The following GTF3C5 variants were observed in gnomAD, a reference collection of about 807,000 sequenced individuals.
GTF3C5 encodes general transcription factor 3C polypeptide 5.
In GTF3C5, 47 loss-of-function variants were observed where a neutral mutation model predicts 61.0. The observed-to-expected ratio is 0.77, with a 90% CI of 0.61 to 0.98. The LOEUF is 0.98. GTF3C5 is among the 50% of genes least tolerant of loss of function. The pLI is 0.00. For missense variants in GTF3C5, 659 were observed against 703.3 expected (o/e 0.94, Z 0.71); for synonymous variants, 295 against 275.4 (o/e 1.07, Z -0.71).
chr9:133,051,149 G>A (rs868176250), intron 4 of GTF3C5, among the ~76,000 whole-genome samples, 171 bp downstream of exon 4: 3 of 152,184 alleles, frequency 2.0e-5, no homozygotes, highest in African/African-American at 4.8e-5. Flanking sequence ...AGGCTGTGTC[G>A]GTATAAGTTC....
At chr9:133,048,779 C>T (rs923488251) in intron 3 of GTF3C5, among the ~76,000 whole-genome samples, 1 of 152,252 alleles carries the variant, frequency 6.6e-6, no homozygotes, top group Non-Finnish European at 1.5e-5. Context: ...TTTCCAGCCC[C>T]TGGGGTAAAA....
In GTF3C5 at chr9:133,050,945, C is replaced by G; in HGVS notation, c.735C>G (p.Pro245=). Residue 245 remains proline (P), a synonymous_variant, in exon 4 of 11, where the codon CCC becomes CCG. Transcript: ENST00000372097. ...CGTGGAGGAGAGTCTGCACTAACCC[C>G]GTGGACCGGAAGGTGGAGGAGGAGC... The part of the protein sequence containing the change: ...AQTWRRVCTN[P]VDRKVEEELR... 6.2e-7 allele frequency: 1 copy of G among 1,612,038 alleles called. No individual in the cohort carries two copies. Among genetic ancestry groups the G allele is most frequent in the Non-Finnish European group, 8.5e-7 (1 of 1,179,158 alleles).
At chr9:133,037,519 TGGTGGGGG>T (rs1485200465) in intron 1 of GTF3C5, among the ~76,000 whole-genome samples, 2 of 151,700 alleles carry the variant, frequency 1.3e-5, no homozygotes, top group African/African-American at 4.8e-5. Context: ...TTTATATGTA[TGGTGGGGG>T]GGTGGGACTT....
intron 4 of GTF3C5, 136 bp from the exon 5 acceptor site, chr9:133,051,924 C>A: frequency 1.9e-6 from 1 of 536,044 alleles, no homozygotes; most frequent in Non-Finnish European, 3.3e-6. Context: ...TAGGGCCACG[C>A]CCTGTGTGTC....
chr9:133,043,998 C>A, intron 3 of GTF3C5, 72 bp downstream of exon 3: 1 of 1,122,250 alleles, frequency 8.9e-7, no homozygotes. Context: ...GAGGCTCACA[C>A]ACTGGGCGTG....
Position 133,058,043 on chromosome 9 carries a change from GGGGCTCCCCATT to G in GTF3C5, c.*65_*76del. 1 of 1,594,704 alleles carries G rather than the reference GGGGCTCCCCATT, an allele frequency of 6.3e-7. No individual in the cohort carries two copies. The highest frequency in any genetic ancestry group is 8.5e-7 in the Non-Finnish European group (1 of 1,170,960). On this transcript the variant is annotated 3_prime_UTR_variant, in exon 11 of 11. Transcript: ENST00000372097. ...TGGTGTCTGGCCTAATGAGGGAGCC[GGGGCTCCCCATT>G]GCCACCCACAGTGCCCGGAATGGCC...
intron 1 of GTF3C5, among the ~76,000 whole-genome samples, chr9:133,038,305 C>G (rs144818924): frequency 2.0e-5 from 3 of 152,010 alleles, no homozygotes; most frequent in Non-Finnish European, 4.4e-5. Flanking sequence ...AGAGTCTACC[C>G]GGGCGTGTGG....
chr9:133,035,994 T>A (rs920493992), intron 1 of GTF3C5, among the ~76,000 whole-genome samples: 3 of 152,326 alleles, frequency 2.0e-5, no homozygotes, highest in African/African-American at 7.2e-5. Context: ...TAAGGCTTGA[T>A]TCATTGCAAA....
chr9:133,053,849 C>T lies in GTF3C5; in HGVS notation c.895C>T (p.Leu299=), dbSNP rs1186670799. 2 of 1,611,390 alleles carry T rather than the reference C, an allele frequency of 1.2e-6. No homozygotes were observed. The highest frequency in any genetic ancestry group is 3.4e-5 in the Admixed American group (2 of 59,598). Reference sequence around the variant, plus strand: ...CCAGATAACAGGCCCCTGGCGCAGCCTATGGATTCGATTTGGGTATGACCC... The same window carrying T: ...CCAGATAACAGGCCCCTGGCGCAGCTTATGGATTCGATTTGGGTATGACCC... ...YYMITGPWRS[L]WIRFGYDPRK... is the part of the protein sequence containing the mutation. The change falls in exon 6 of 11, where the codon CTA becomes TTA. Residue 299 remains leucine, a synonymous_variant. Transcript: ENST00000372097.
intron 5 of GTF3C5, among the ~76,000 whole-genome samples, chr9:133,052,794 C>T (rs370775564): frequency 3.0e-4 from 46 of 152,198 alleles, no homozygotes; most frequent in African/African-American, 9.6e-4. Flanking sequence ...CTCAGGAGAG[C>T]GACCTGTGCT....
At position 133,050,933 on chromosome 9, in the gene GTF3C5, C is replaced by G; in HGVS notation, c.723C>G (p.Val241=). The G allele has an allele frequency of 6.2e-7, 1 of 1,613,624 alleles. No homozygotes were observed. Among genetic ancestry groups the G allele is most frequent in the Non-Finnish European group, 8.5e-7 (1 of 1,179,824 alleles). ...LEAAAQTWRR[V]CTNPVDRKVE... Reference sequence around the variant, plus strand: ...CTGCAGCCCAGACGTGGAGGAGAGTCTGCACTAACCCCGTGGACCGGAAGG... The same window carrying G: ...CTGCAGCCCAGACGTGGAGGAGAGTGTGCACTAACCCCGTGGACCGGAAGG... The change falls in exon 4 of 11, where the codon GTC becomes GTG. Residue 241 remains valine, a synonymous_variant. Transcript: ENST00000372097.
intron 1 of GTF3C5, among the ~76,000 whole-genome samples, chr9:133,033,186 C>T (rs114788331): frequency 3.3e-5 from 5 of 152,268 alleles, no homozygotes; most frequent in African/African-American, 1.2e-4. Flanking sequence ...GATTACAAGC[C>T]TTAAATTCAT....
intron 3 of GTF3C5, among the ~76,000 whole-genome samples, chr9:133,047,255 G>T (rs1227175864): frequency 6.6e-6 from 1 of 152,078 alleles, no homozygotes; most frequent in Non-Finnish European, 1.5e-5. Flanking sequence ...AGCCACTCAG[G>T]AGCCAAACAA....
intron 8 of GTF3C5, 119 bp downstream of exon 8, chr9:133,054,928 C>T (rs562372068): frequency 1.4e-5 from 21 of 1,548,922 alleles, no homozygotes; most frequent in Admixed American, 2.0e-5. Flanking sequence ...GGCCTCGGCA[C>T]CTTGCTTCCT....
At chr9:133,043,951 C>T (rs373715796) in intron 3 of GTF3C5, 25 bp downstream of exon 3, 30 of 1,568,500 alleles carry the variant, frequency 1.9e-5, no homozygotes, top group Middle Eastern at 1.7e-4. Context: ...CATGCAGCCT[C>T]GGTTCTCTAT....
rs1564206963 is a variant in GTF3C5, at chr9:133,057,881, CGAGGAGGAT to C, written c.1470_1478del (p.Asp490_Glu492del). On this transcript the variant is annotated inframe_deletion, in exon 11 of 11. Coordinates refer to ENST00000372097, the MANE Select transcript of GTF3C5 (RefSeq NM_012087.4). ...AGCTGACGTACGAGTCTGGGGAAGA[CGAGGAGGAT>C]GAGGAGGAGGAGGAAGAGGAGGAGG... 1 of 1,613,538 alleles carries C rather than the reference CGAGGAGGAT, an allele frequency of 6.2e-7. No individual in the cohort carries two copies. Among genetic ancestry groups the C allele is most frequent in the Non-Finnish European group, 8.5e-7 (1 of 1,179,878 alleles).
intron 1 of GTF3C5, among the ~76,000 whole-genome samples, chr9:133,036,627 CAT>C (rs1355271826): frequency 1.3e-5 from 2 of 152,172 alleles, no homozygotes; most frequent in East Asian, 3.9e-4. Flanking sequence ...CAGTTATGAG[CAT>C]ATGTTTTAGT....
intron 4 of GTF3C5, 42 bp from the exon 5 acceptor site, chr9:133,052,018 G>C (rs1195525995): frequency 9.4e-7 from 1 of 1,063,108 alleles, no homozygotes; most frequent in Non-Finnish European, 1.4e-6. Flanking sequence ...AAGGGTGGAA[G>C]CTGCTGGTGC....
At position 133,057,993 on chromosome 9, in the gene GTF3C5, C is replaced by G; in HGVS notation, c.*13C>G. 1 of 1,613,576 alleles carries G rather than the reference C, an allele frequency of 6.2e-7. No homozygotes were observed. The highest frequency in any genetic ancestry group is 1.3e-5 in the African/African-American group (1 of 75,056). On this transcript the variant is annotated 3_prime_UTR_variant, in exon 11 of 11. Coordinates refer to ENST00000372097, the MANE Select transcript of GTF3C5 (RefSeq NM_012087.4). ...GGACTACGTGTGACAGGGCCCAAGG[C>G]TGGGCCTCCCTGACCCGGCCAGACT...
Sources: allele counts gnomAD v4.1 joint callset (sites outside exome capture counted in the v4.1 genomes callset), GRCh38; gene constraint gnomAD v4.1.1; transcripts MANE v1.5; gene names NCBI Gene and HGNC (gene_info 2026-07-23, HGNC 2026-07-21).